The following TMTC1 variants were observed in gnomAD, a reference collection of about 807,000 sequenced individuals.
TMTC1 encodes transmembrane O-mannosyltransferase targeting cadherins 1.
TMTC1 carries 73 observed loss-of-function variants against 104.8 expected under a neutral mutation model. The observed-to-expected ratio is 0.70, with a 90% CI of 0.58 to 0.85. TMTC1 has a LOEUF of 0.85. TMTC1 is among the 40% of genes least tolerant of loss of function. The pLI, the probability that TMTC1 is intolerant of heterozygous loss-of-function variation, is 0.00. For missense variants in TMTC1, 1,035 were observed against 1,096.1 expected, an observed-to-expected ratio of 0.94 and a Z score of 0.79; for synonymous variants, 434 against 428.7, an observed-to-expected ratio of 1.01 and a Z score of -0.15.
At chr12:29,508,867 C>T (rs148862328) in intron 17 of TMTC1, among the ~76,000 whole-genome samples, 479 of 152,130 alleles carry the variant, frequency 3.1e-3, no homozygotes, top group Non-Finnish European at 5.5e-3. Context: ...TATGAGCCAC[C>T]GTGCCCAGCC....
chr12:29,560,828 C>T (rs148987256), intron 9 of TMTC1, among the ~76,000 whole-genome samples: 4 of 152,108 alleles, frequency 2.6e-5, no homozygotes, highest in Admixed American at 6.5e-5. Context: ...CTCTGAAGAA[C>T]GAATGTCAGC....
At chr12:29,714,999 T>G (rs528815349) in intron 5 of TMTC1, among the ~76,000 whole-genome samples, 1 of 152,320 alleles carries the variant, frequency 6.6e-6, no homozygotes, top group East Asian at 1.9e-4. Context: ...AAATAGTACT[T>G]TTTACCCATA....
chr12:29,664,174 G>A (rs530045473), intron 5 of TMTC1, among the ~76,000 whole-genome samples: 84 of 149,084 alleles, frequency 5.6e-4, no homozygotes, highest in African/African-American at 1.8e-3. Context: ...GCGACAGAGC[G>A]AGACTCCGTC....
intron 5 of TMTC1, among the ~76,000 whole-genome samples, chr12:29,643,275 C>T (rs181765527): frequency 3.3e-5 from 5 of 151,352 alleles, no homozygotes; most frequent in African/African-American, 1.2e-4. Context: ...CCATTTGATG[C>T]AGCAATCCCA....
At chr12:29,707,392 C>T (rs563996991) in intron 5 of TMTC1, among the ~76,000 whole-genome samples, 1 of 152,278 alleles carries the variant, frequency 6.6e-6, no homozygotes, top group East Asian at 1.9e-4. Flanking sequence ...CTGCTCCCTG[C>T]CAGCCCCTTC....
rs1369648355 is a variant in TMTC1 at position 29,522,584 on chromosome 12, G to GTGTGTGTGTA, written c.1786-1865_1786-1864insTACACACACA. 1.1e-4 allele frequency among the ~76,000 whole-genome samples: 16 copies of GTGTGTGTGTA among 150,928 alleles called. 1 individual carries two copies. Among genetic ancestry groups the GTGTGTGTGTA allele is most frequent in the Non-Finnish European group, 1.6e-4 (11 of 67,702 alleles). On this transcript the variant is annotated intron_variant, in intron 11 of 17. Coordinates refer to ENST00000539277, the MANE Select transcript of TMTC1 (RefSeq NM_001193451.2). ...TGTGTGTGTGTGTGTGTGTGTGTGT[G>GTGTGTGTGTA]TGTAATGAAGACAGGCAGAACAGAA...
Position 29,751,819 on chromosome 12 carries a change from G to GGCTGGGGGCTCCCGGGCT in TMTC1, c.767_784dup (p.Gln256_Gln261dup). 1 of 1,607,834 alleles carries GGCTGGGGGCTCCCGGGCT rather than the reference G, an allele frequency of 6.2e-7. No homozygotes were observed. The highest frequency in any genetic ancestry group is 8.5e-7 in the Non-Finnish European group (1 of 1,176,956). Reference sequence around the variant, plus strand: ...GTGAGGATGGCCTGGCAGTGAGGAGGGCTGGGGGCTCCCGGGCTGCTGTGG... The same window carrying GGCTGGGGGCTCCCGGGCT: ...GTGAGGATGGCCTGGCAGTGAGGAGGGCTGGGGGCTCCCGGGCTGCTGGGGGCTCCCGGGCTGCTGTGG... On this transcript the variant is annotated inframe_insertion, in exon 5 of 18. Coordinates refer to ENST00000539277, the MANE Select transcript of TMTC1 (RefSeq NM_001193451.2).
At chr12:29,572,684 C>T (rs1478449562) in intron 8 of TMTC1, among the ~76,000 whole-genome samples, 5 of 152,192 alleles carry the variant, frequency 3.3e-5, no homozygotes, top group African/African-American at 9.7e-5. Context: ...GGAGCAGATG[C>T]ACCCACACTG....
chr12:29,637,979 T>A (rs1591838862), intron 5 of TMTC1, among the ~76,000 whole-genome samples: 1 of 152,274 alleles, frequency 6.6e-6, no homozygotes, highest in Non-Finnish European at 1.5e-5. Flanking sequence ...AGGAAGGCCA[T>A]TTGCCACCTG....
chr12:29,610,888 G>C (rs1176674470), intron 6 of TMTC1, among the ~76,000 whole-genome samples: 1 of 152,192 alleles, frequency 6.6e-6, no homozygotes, highest in East Asian at 1.9e-4. Context: ...TCAGGCTGGT[G>C]ATATCATTTC....
intron 5 of TMTC1, among the ~76,000 whole-genome samples, chr12:29,740,995 G>C (rs575472958): frequency 6.6e-6 from 1 of 152,188 alleles, no homozygotes; most frequent in South Asian, 2.1e-4. Context: ...TAAAAGTTTT[G>C]CTCTCGCAAG....
At chr12:29,572,667 G>A (rs1349482603) in intron 8 of TMTC1, among the ~76,000 whole-genome samples, 1 of 152,142 alleles carries the variant, frequency 6.6e-6, no homozygotes, top group Non-Finnish European at 1.5e-5. Flanking sequence ...CCTAATTTAT[G>A]GTGCAGGGAG....
chr12:29,512,523 T>G (rs1040903143), intron 16 of TMTC1, among the ~76,000 whole-genome samples: 2 of 152,232 alleles, frequency 1.3e-5, no homozygotes, highest in African/African-American at 4.8e-5. Flanking sequence ...CTGAACAGTT[T>G]AACCCTAATG....
chr12:29,684,009 A>G (rs532907783), intron 5 of TMTC1, among the ~76,000 whole-genome samples: 4 of 152,164 alleles, frequency 2.6e-5, no homozygotes, highest in South Asian at 4.1e-4. Flanking sequence ...ATGCCCAGCT[A>G]ATGTTTTATA....
At chr12:29,699,406 C>G (rs1292364909) in intron 5 of TMTC1, among the ~76,000 whole-genome samples, 1 of 152,034 alleles carries the variant, frequency 6.6e-6, no homozygotes, top group Non-Finnish European at 1.5e-5. Context: ...TTTCATGTGT[C>G]TTACCAAAAA....
intron 6 of TMTC1, among the ~76,000 whole-genome samples, chr12:29,618,551 T>C (rs1281110577): frequency 6.6e-6 from 1 of 150,946 alleles, no homozygotes; most frequent in Non-Finnish European, 1.5e-5. Flanking sequence ...ATAAGGAATT[T>C]TAGATTTTTT....
rs551501567 is a variant in TMTC1, at chr12:29,636,293, T to C, written c.939-2957A>G. ...CTTTTTAACTAGGGAAAAAAGGCAATAGAATTGCAATAGTAACACTTTCTT... is the reference window on the plus strand; with the variant it reads ...CTTTTTAACTAGGGAAAAAAGGCAACAGAATTGCAATAGTAACACTTTCTT... On this transcript the variant is annotated intron_variant, in intron 5 of 17. Transcript: ENST00000539277. 7.2e-5 allele frequency among the ~76,000 whole-genome samples: 11 copies of C among 152,288 alleles called. No individual in the cohort carries two copies. The East Asian group carries it at 2.1e-3, about 29-fold the overall frequency.
chr12:29,736,415 TTC>T (rs557637330), intron 5 of TMTC1, among the ~76,000 whole-genome samples: 2 of 151,726 alleles, frequency 1.3e-5, no homozygotes, highest in Admixed American at 6.6e-5. Flanking sequence ...CTTACTTAAA[TTC>T]TCTCTCTCTC....
chr12:29,552,974 C>G (rs1445360521), intron 10 of TMTC1, among the ~76,000 whole-genome samples: 2 of 152,168 alleles, frequency 1.3e-5, no homozygotes, highest in Non-Finnish European at 2.9e-5. Context: ...AAATAAAGCT[C>G]AGTTATCTAA....
Sources: allele counts gnomAD v4.1 joint callset (sites outside exome capture counted in the v4.1 genomes callset), GRCh38; gene constraint gnomAD v4.1.1; transcripts MANE v1.5; gene names NCBI Gene and HGNC (gene_info 2026-07-23, HGNC 2026-07-21).